The following MCF2L variants were observed in gnomAD, a reference collection of about 807,000 sequenced individuals.
MCF2L encodes the protein guanine nucleotide exchange factor DBS.
MCF2L carries 97 observed loss-of-function variants against 153.4 expected under a neutral mutation model. The observed-to-expected ratio is 0.63, with a 90% CI of 0.54 to 0.75. MCF2L has a LOEUF of 0.75. MCF2L is among the 30% of genes least tolerant of loss of function. The probability of loss-of-function intolerance (pLI) is 0.00; values close to 1 mark genes in which losing one functional copy is unlikely to be tolerated. For missense variants in MCF2L, 1,347 were observed against 1,495.2 expected (o/e 0.90, Z 1.64); for synonymous variants, 659 against 632.2 (o/e 1.04, Z -0.64).
chr13:113,078,326 A>AGGGGACT (rs1566855544), intron 13 of MCF2L, 37 bp from the exon 14 acceptor site: 5 of 1,550,382 alleles, frequency 3.2e-6, no homozygotes, highest in Non-Finnish European at 1.8e-6. Flanking sequence ...AGAGGGTCAG[A>AGGGGACT]GGGGACTTCA....
chr13:112,969,334 T>A lies in MCF2L; in HGVS notation c.-46T>A. 6.5e-7 allele frequency: 1 copy of A among 1,547,068 alleles called. No individual in the cohort carries two copies. Among genetic ancestry groups the A allele is most frequent in the South Asian group, 1.2e-5 (1 of 83,874 alleles). Reference sequence around the variant, plus strand: ...CGGCCCCACCCGCAGGCGCCCCCCGTGCGGAGGAAGCGGATCTGCCAGGAT... The same window carrying A: ...CGGCCCCACCCGCAGGCGCCCCCCGAGCGGAGGAAGCGGATCTGCCAGGAT... On this transcript the variant is annotated 5_prime_UTR_variant, in exon 1 of 30. Transcript: ENST00000535094. The surrounding 1 kb of genome is among the most constrained non-coding windows in gnomAD (Gnocchi z 4.8).
intron 1 of MCF2L, among the ~76,000 whole-genome samples, chr13:112,992,765 T>C (rs929461162): frequency 1.3e-5 from 2 of 152,240 alleles, no homozygotes; most frequent in Admixed American, 6.5e-5. Context: ...AGCCAATCAT[T>C]TTTATTGCAT....
chr13:113,091,199 G>C, intron 26 of MCF2L: 1 of 1,302,372 alleles, frequency 7.7e-7, no homozygotes, highest in South Asian at 1.2e-5. Flanking sequence ...GTGCGAGGTA[G>C]AGTGGCACCC....
At position 113,070,438 on chromosome 13, in the gene MCF2L, T is replaced by C; in HGVS notation, c.996+265T>C. 1 of 264,810 alleles carries C rather than the reference T, an allele frequency of 3.8e-6. No homozygotes were observed. Among genetic ancestry groups the C allele is most frequent in the Non-Finnish European group, 7.1e-6 (1 of 140,824 alleles). The allele number at this position is 264,810 out of a possible 1,614,324, so 16.4% of individuals were successfully genotyped here. On this transcript the variant is annotated intron_variant, in intron 9 of 29. Transcript: ENST00000535094. The surrounding 1 kb of genome is among the most constrained non-coding windows in gnomAD (Gnocchi z 5.6). ...CACTTACACTGCATTATTCGTAAAG[T>C]AGCAGGAAGCCTTTGCTCTCCCTTC...
At chr13:113,073,736 G>A (rs1347233821) in intron 9 of MCF2L, among the ~76,000 whole-genome samples, 1 of 152,072 alleles carries the variant, frequency 6.6e-6, no homozygotes, top group Non-Finnish European at 1.5e-5. Flanking sequence ...CCAACATGGT[G>A]AAACCCCATC....
rs958997601 is a variant in MCF2L, at chr13:113,096,554, G to C, written c.3193G>C (p.Val1065Leu). 1.2e-6 allele frequency: 2 copies of C among 1,604,150 alleles called. No individual in the cohort carries two copies. Among genetic ancestry groups the C allele is most frequent in the Non-Finnish European group, 1.7e-6 (2 of 1,177,534 alleles). Residue 1065 changes from valine to leucine, a missense_variant, in exon 29 of 30, where the codon GTC (valine) becomes CTC (leucine). Around this residue, in one of 3 missense-constraint regions of MCF2L, gnomAD observed 383 missense variants for 335.4 expected, o/e 1.14. Coordinates refer to ENST00000535094, the MANE Select transcript of MCF2L (RefSeq NM_001112732.3). ...VQEGDEGLWY[V>L]RDPTTGKEGW... The stretch of plus-strand genomic sequence containing the variant: ...GCTGACCCTCGCCCCTTGCAGGTAC[G>C]TCAGGGACCCGACCACTGGCAAGGA...
At chr13:113,044,325 G>A in intron 3 of MCF2L, 1 of 330,060 alleles carries the variant, frequency 3.0e-6, no homozygotes, top group Non-Finnish European at 6.0e-6. Context: ...TGTCTTGGGA[G>A]TTGCTGTTTC....
At chr13:112,899,437 C>T (rs769569740) in intron 1 of MCF2L, among the ~76,000 whole-genome samples, 4 of 152,150 alleles carry the variant, frequency 2.6e-5, no homozygotes, top group Non-Finnish European at 5.9e-5. Flanking sequence ...AACAGGACTG[C>T]GTCTGGCTTC....
chr13:113,070,004 A>C lies in MCF2L; in HGVS notation c.882-55A>C, dbSNP rs2141872149. 7.6e-7 allele frequency: 1 copy of C among 1,322,758 alleles called. No individual in the cohort carries two copies. Among genetic ancestry groups the C allele is most frequent in the Non-Finnish European group, 1.1e-6 (1 of 933,846 alleles). 81.9% of individuals were successfully genotyped at this position (1,322,758 alleles called of 1,614,324 possible). A position where few individuals can be genotyped will look rare whatever the true frequency, so the allele number is the denominator to read the frequency against. The stretch of plus-strand genomic sequence containing the variant: ...GTCGCTTGAACACCCACCGCGCTCC[A>C]CGTTGCATGGGGCGCCGTGGGCCAC... On this transcript the variant is annotated intron_variant, in intron 8 of 29. Transcript: ENST00000535094. The surrounding 1 kb of genome is among the most constrained non-coding windows in gnomAD (Gnocchi z 5.6).
chr13:112,988,060 G>A (rs1594503157), intron 1 of MCF2L, among the ~76,000 whole-genome samples: 1 of 152,240 alleles, frequency 6.6e-6, no homozygotes, highest in Non-Finnish European at 1.5e-5. Context: ...GCTGCGGGGC[G>A]AGGAGGCCTC....
intron 2 of MCF2L, among the ~76,000 whole-genome samples, chr13:112,938,136 G>A (rs370963052): frequency 4.9e-5 from 7 of 143,072 alleles, no homozygotes; most frequent in Non-Finnish European, 1.1e-4. Context: ...TCAGGTGAGC[G>A]CTGAGGGGTT....
intron 25 of MCF2L, among the ~76,000 whole-genome samples, chr13:113,089,169 G>T (rs74364791): frequency 3.0e-5 from 2 of 65,902 alleles, no homozygotes; most frequent in Non-Finnish European, 5.6e-5. Flanking sequence ...ACACTCCCCC[G>T]CCCCCCCCCC....
intron 26 of MCF2L, among the ~76,000 whole-genome samples, chr13:113,091,562 T>G (rs2035215639): frequency 1.3e-5 from 2 of 150,862 alleles, no homozygotes; most frequent in Non-Finnish European, 2.9e-5. Context: ...CCCTTCCCTG[T>G]GGCACAGTTT....
intron 1 of MCF2L, among the ~76,000 whole-genome samples, chr13:112,998,338 G>C (rs181391029): frequency 6.6e-6 from 1 of 152,164 alleles, no homozygotes; most frequent in Admixed American, 6.5e-5. Context: ...TGTCAGGGAA[G>C]GGGGAGCTCA....
chr13:113,097,493 C>T lies in MCF2L; in HGVS notation c.*634C>T, dbSNP rs916634200. 6.6e-6 allele frequency: 1 copy of T among 152,122 alleles called. No individual in the cohort carries two copies. The highest frequency in any genetic ancestry group is 1.5e-5 in the Non-Finnish European group (1 of 68,016). The allele number at this position is 152,122 out of a possible 1,614,324, so 9.4% of individuals were successfully genotyped here. A position where few individuals can be genotyped will look rare whatever the true frequency, so the allele number is the denominator to read the frequency against. ...TCTCCCATGGAAACGGATGGCACTC[C>T]CTGAAGCTCCCTGGTCACAGGTGGA... On this transcript the variant is annotated 3_prime_UTR_variant, in exon 30 of 30. Transcript: ENST00000535094.
intron 1 of MCF2L, among the ~76,000 whole-genome samples, chr13:112,972,594 G>A (rs9603805): frequency 6.9e-6 from 1 of 145,336 alleles, no homozygotes; most frequent in East Asian, 2.2e-4. Flanking sequence ...GGATGGATGA[G>A]TGGATGCTTG....
At chr13:113,093,099 G>A (rs779300453) in intron 26 of MCF2L, among the ~76,000 whole-genome samples, 5 of 152,338 alleles carry the variant, frequency 3.3e-5, no homozygotes, top group South Asian at 2.1e-4. Flanking sequence ...GCCTCAGAGC[G>A]ACTGGGGGCC....
intron 4 of MCF2L, among the ~76,000 whole-genome samples, chr13:113,049,852 T>C (rs2087096564): frequency 6.6e-6 from 1 of 152,196 alleles, no homozygotes; most frequent in African/African-American, 2.4e-5. Flanking sequence ...TAATTTGGGG[T>C]GTTCTTTTTT....
chr13:112,914,561 G>A lies in MCF2L; in HGVS notation c.169+12190G>A, dbSNP rs78308857. 3.0e-3 allele frequency among the ~76,000 whole-genome samples: 464 copies of A among 152,324 alleles called. 2 individuals carry two copies. Among genetic ancestry groups the A allele is most frequent in the African/African-American group, 9.9e-3 (412 of 41,576 alleles). ...GTATTCCTCAGGTACTCACACACTC[G>A]CTCTGTGAGCCACGTGATCATGGGA... is the stretch of plus-strand genomic sequence containing the variant. On this transcript the variant is annotated intron_variant, in intron 2 of 29. Coordinates refer to the MCF2L transcript ENST00000375608.
Sources: gnomAD v4.1 joint callset for allele counts (sites outside exome capture counted in the v4.1 genomes callset) on GRCh38, gnomAD v4.1.1 for gene constraint, gnomAD v4.1.1 regional missense constraint, Gnocchi (gnomAD v3.1) non-coding constraint, MANE v1.5 for transcripts, NCBI Gene and HGNC (gene_info 2026-07-23, HGNC 2026-07-21) for gene names.